TRPC5: variants seen among roughly 807,000 people sequenced by gnomAD.
TRPC5 encodes the protein short transient receptor potential channel 5.
TRPC5 carries 9 observed loss-of-function variants against 56.5 expected under a neutral mutation model. The observed-to-expected ratio is 0.16, with a 90% confidence interval of 0.10 to 0.28. The LOEUF (loss-of-function observed/expected upper bound fraction) is 0.28. Among genes scored for constraint, TRPC5 ranks in the 10% least tolerant of loss-of-function variants. TRPC5 has a pLI of 1.00. For missense variants in TRPC5, 469 were observed against 748.9 expected (o/e 0.63, Z 4.36); for synonymous variants, 282 against 278.5 (o/e 1.01, Z -0.13).
At chrX:111,879,529 A>T (rs1181632257) in intron 3 of TRPC5, among the ~76,000 whole-genome samples, 1 of 112,472 alleles carries the variant, frequency 8.9e-6, no homozygotes, top group African/African-American at 3.2e-5. Flanking sequence ...CCAATAAACC[A>T]GTCAGCACAT....
At chrX:111,782,277 C>T in intron 7 of TRPC5, 139 bp from the exon 8 acceptor site, 1 of 452,417 alleles carries the variant, frequency 2.2e-6, no homozygotes. Context: ...CATACCCTGT[C>T]ACCCAGTAAC....
intron 2 of TRPC5, among the ~76,000 whole-genome samples, chrX:111,940,689 TA>T (rs781266805): frequency 0.025 from 1,722 of 70,283 alleles, 17 homozygotes; most frequent in Non-Finnish European, 0.033. Flanking sequence ...GGACTACGTC[TA>T]AAAAAAAAAA....
chrX:111,788,280 A>G (rs1945986599), intron 7 of TRPC5, among the ~76,000 whole-genome samples: 1 of 111,885 alleles, frequency 8.9e-6, no homozygotes, highest in African/African-American at 3.3e-5. Flanking sequence ...AATAAACACA[A>G]TGCATCACAT....
intron 1 of TRPC5, among the ~76,000 whole-genome samples, chrX:111,980,723 C>G (rs1664068254): frequency 9.1e-6 from 1 of 109,520 alleles, no homozygotes; most frequent in Non-Finnish European, 1.9e-5. Context: ...TCATTGAAAG[C>G]ATTTTGTGAG....
rs1242219217 is a variant in TRPC5, at chrX:111,770,182, T to C, written c.*6131A>G. ...TGGCTTTTTGCCATAGTGCCCTTCCTTACCTTTCATTTCTCTTTCATGTTG... is the reference window on the plus strand; with the variant it reads ...TGGCTTTTTGCCATAGTGCCCTTCCCTACCTTTCATTTCTCTTTCATGTTG... On this transcript the variant is annotated 3_prime_UTR_variant, in exon 11 of 11. Coordinates refer to ENST00000262839, the MANE Select transcript of TRPC5 (RefSeq NM_012471.3). Among the ~76,000 whole-genome samples the C allele has an allele frequency of 8.9e-6, 1 of 112,205 alleles. No individual in the cohort carries two copies. The highest frequency in any genetic ancestry group is 3.2e-5 in the African/African-American group (1 of 30,918).
intron 6 of TRPC5, among the ~76,000 whole-genome samples, chrX:111,841,900 G>A (rs990961709): frequency 1.9e-5 from 2 of 107,419 alleles, no homozygotes; most frequent in African/African-American, 3.5e-5. Context: ...TAATAGAGAC[G>A]GGATTTCGCC....
At chrX:112,052,942 T>C (rs1048546434) in intron 1 of TRPC5, among the ~76,000 whole-genome samples, 3 of 111,967 alleles carry the variant, frequency 2.7e-5, no homozygotes, top group Admixed American at 9.5e-5. Flanking sequence ...CTGGGTACTC[T>C]ATTCTATTCC....
chrX:111,903,014 G>A (rs914374692), intron 3 of TRPC5: 2 of 111,815 alleles, frequency 1.8e-5, no homozygotes, highest in Non-Finnish European at 3.8e-5. Flanking sequence ...AAATATCTAT[G>A]GACTAGATAT....
At position 112,049,259 on chromosome X, in the gene TRPC5, C is replaced by T. The variant is rs927454701; in HGVS notation, c.-22+32620G>A. ...GCCAAATACCAAGAGACTGCCTTAT[C>T]TTAAAGACATTCTGGAATGCCTATT... On this transcript the variant is annotated intron_variant, in intron 1 of 10. Coordinates refer to ENST00000262839, the MANE Select transcript of TRPC5 (RefSeq NM_012471.3). Among the ~76,000 whole-genome samples the T allele has an allele frequency of 4.5e-5, 5 of 110,048 alleles. No homozygotes were observed. The South Asian group carries it at 1.9e-3, about 43-fold the overall frequency.
At chrX:112,063,328 C>T (rs1930501195) in intron 1 of TRPC5, among the ~76,000 whole-genome samples, 1 of 111,616 alleles carries the variant, frequency 9.0e-6, no homozygotes, top group South Asian at 3.8e-4. Flanking sequence ...ATTTCAAGTC[C>T]GTGGATCCTG....
intron 1 of TRPC5, among the ~76,000 whole-genome samples, chrX:112,072,683 T>C (rs911464633): frequency 8.9e-6 from 1 of 112,316 alleles, no homozygotes; most frequent in Admixed American, 9.4e-5. Flanking sequence ...AAAAATGACA[T>C]GAAACTTCCA....
At chrX:111,779,884 G>T in intron 9 of TRPC5, among the ~76,000 whole-genome samples, 1 of 111,870 alleles carries the variant, frequency 8.9e-6, no homozygotes, top group Middle Eastern at 4.7e-3. Context: ...AACTCACTGA[G>T]ACATGCAGGA....
intron 2 of TRPC5, among the ~76,000 whole-genome samples, chrX:111,940,009 T>A (rs1926722141): frequency 8.9e-6 from 1 of 112,063 alleles, no homozygotes; most frequent in African/African-American, 3.2e-5. Flanking sequence ...TTTTTTGATG[T>A]AAGCACTTAT....
intron 3 of TRPC5, among the ~76,000 whole-genome samples, chrX:111,899,318 T>C: frequency 9.0e-6 from 1 of 111,529 alleles, no homozygotes; most frequent in Non-Finnish European, 1.9e-5. Flanking sequence ...TCTACCTCTC[T>C]GCTTTTTATG....
Position 111,917,562 on chromosome X carries a change from C to G in TRPC5, c.379-4750G>C, listed in dbSNP as rs780949646. 3.6e-5 allele frequency among the ~76,000 whole-genome samples: 4 copies of G among 112,320 alleles called. No homozygotes were observed. The East Asian group carries it at 1.1e-3, about 31-fold the overall frequency. The stretch of plus-strand genomic sequence containing the variant: ...AAAAGTTCAGTTTTGTGCTTGTTAA[C>G]TTTGAAGTCCCTACTGGGAAAGCAG... On this transcript the variant is annotated intron_variant, in intron 2 of 10. Coordinates refer to ENST00000262839, the MANE Select transcript of TRPC5 (RefSeq NM_012471.3).
At chrX:111,920,099 A>AC (rs1220432681) in intron 2 of TRPC5, among the ~76,000 whole-genome samples, 1 of 111,009 alleles carries the variant, frequency 9.0e-6, no homozygotes, top group Admixed American at 9.6e-5. Flanking sequence ...ACATGGTGAA[A>AC]CCCCATCTCT....
chrX:111,838,121 G>A (rs760110545), intron 6 of TRPC5, among the ~76,000 whole-genome samples: 3 of 110,338 alleles, frequency 2.7e-5, no homozygotes, highest in East Asian at 5.7e-4. Flanking sequence ...AAGAATGCAT[G>A]CATAAATAAA....
Position 111,912,605 on chromosome X carries a change from G to A in TRPC5, c.586C>T (p.Arg196Ter). ...EVDSLRHSRS[R>*]LNIYKALASP... is the part of the protein sequence containing the mutation. ...GCCAGAGCCTTATAGATGTTCAGTC[G>A]GGAGCGAGAGTGGCGCAGGCTGTCT... The change falls in exon 3 of 11, where the codon CGA becomes TGA. Residue 196 changes from arginine to a stop codon, truncating the protein, a stop_gained. Transcript: ENST00000262839. LOFTEE classifies it high-confidence loss of function. 2.5e-6 allele frequency: 3 copies of A among 1,211,471 alleles called. No individual in the cohort carries two copies. Among genetic ancestry groups the A allele is most frequent in the Non-Finnish European group, 3.4e-6 (3 of 895,455 alleles).
In TRPC5 at chrX:111,952,571, C is replaced by T. The variant is rs745996421; in HGVS notation, c.-21-130G>A. 9.1e-4 allele frequency: 601 copies of T among 658,756 alleles called. 1 individual carries two copies. The highest frequency in any genetic ancestry group is 8.7e-4 in the Non-Finnish European group (403 of 463,935). The allele number at this position is 658,756 out of a possible 1,213,427, so 54.3% of individuals were successfully genotyped here. A position where few individuals can be genotyped will look rare whatever the true frequency, so the allele number is the denominator to read the frequency against. Reference sequence around the variant, plus strand: ...TACTTCAATGACGCCGTCTTTTTTCCGCTTACAAAGAAGTATAACAGAAAA... The same window carrying T: ...TACTTCAATGACGCCGTCTTTTTTCTGCTTACAAAGAAGTATAACAGAAAA... On this transcript the variant is annotated intron_variant, in intron 1 of 10. Coordinates refer to ENST00000262839, the MANE Select transcript of TRPC5 (RefSeq NM_012471.3).
Sources: gnomAD v4.1 joint callset for allele counts (sites outside exome capture counted in the v4.1 genomes callset) on GRCh38, gnomAD v4.1.1 for gene constraint, MANE v1.5 for transcripts, NCBI Gene and HGNC (gene_info 2026-07-23, HGNC 2026-07-21) for gene names.